Variants in SLC28A3 observed in about 807,000 individuals in gnomAD.
SLC28A3 encodes solute carrier family 28 member 3.
In SLC28A3, 68 loss-of-function variants were observed where a neutral mutation model predicts 84.2. The observed-to-expected ratio is 0.81, with a 90% CI of 0.66 to 0.99. The LOEUF is 0.99. Ranked by LOEUF, SLC28A3 falls within the 50% of genes least tolerant of loss-of-function variation. SLC28A3 has a pLI of 0.00. For missense variants in SLC28A3, 712 were observed against 841.5 expected, an observed-to-expected ratio of 0.85 and a Z score of 1.90; for synonymous variants, 267 against 303.6, an observed-to-expected ratio of 0.88 and a Z score of 1.25.
intron 4 of SLC28A3, among the ~76,000 whole-genome samples, chr9:84,302,732 A>G (rs1564158764): frequency 6.6e-6 from 1 of 152,132 alleles, no homozygotes; most frequent in East Asian, 1.9e-4. Context: ...GTGAGCTACT[A>G]TCAGAGAAAG....
the SLC28A3 span, among the ~76,000 whole-genome samples, chr9:84,347,204 TAAAAAAAA>T: frequency 1.6e-5 from 1 of 62,426 alleles, no homozygotes; most frequent in Non-Finnish European, 3.8e-5. Flanking sequence ...AGACTCTGTC[TAAAAAAAA>T]AAAAAAAAAA....
intron 10 of SLC28A3, among the ~76,000 whole-genome samples, chr9:84,290,516 T>A (rs1404807926): frequency 6.6e-6 from 1 of 152,124 alleles, no homozygotes; most frequent in Non-Finnish European, 1.5e-5. Context: ...GCTTTCCGGG[T>A]GATTCCAATG....
In SLC28A3 at chr9:84,292,722, C is replaced by T. The variant is rs1201755023; in HGVS notation, c.969G>A (p.Thr323=). ...RKVGWIMLVT[T]GSSPIESVVA... ...CTACAGATTCAATAGGAGATGATCC[C>T]GTAGTAACTAGCATGATCCATCCAA... Residue 323 remains threonine, a synonymous_variant, in exon 10 of 18, where the codon ACG becomes ACA. Coordinates refer to ENST00000376238, the MANE Select transcript of SLC28A3 (RefSeq NM_001199633.2). 1.2e-5 allele frequency: 20 copies of T among 1,600,884 alleles called. No homozygotes were observed. Among genetic ancestry groups the T allele is most frequent in the Admixed American group, 1.8e-5 (1 of 57,056 alleles).
chr9:84,356,667 T>TA, the SLC28A3 span, among the ~76,000 whole-genome samples: 410 of 152,104 alleles, frequency 2.7e-3, 2 homozygotes, highest in African/African-American at 9.6e-3. Flanking sequence ...CCGTCTCTAC[T>TA]AAAAATACAA....
the SLC28A3 span, among the ~76,000 whole-genome samples, chr9:84,362,653 A>G: frequency 1.5e-4 from 20 of 137,312 alleles, no homozygotes; most frequent in Non-Finnish European, 2.5e-4. Flanking sequence ...ATTAAAATAA[A>G]TAAGTTAATA....
At chr9:84,327,964 C>T (rs188946386) in intron 1 of SLC28A3, among the ~76,000 whole-genome samples, 63 of 149,462 alleles carry the variant, frequency 4.2e-4, no homozygotes, top group African/African-American at 1.4e-3. Flanking sequence ...AAAATAAAAT[C>T]CCCCATCTTT....
At chr9:84,365,291 A>G in the SLC28A3 span, among the ~76,000 whole-genome samples, 1 of 151,422 alleles carries the variant, frequency 6.6e-6, no homozygotes, top group African/African-American at 2.4e-5. Flanking sequence ...GCACCTTTTC[A>G]TATGCCTGTT....
At chr9:84,363,225 TC>T in the SLC28A3 span, among the ~76,000 whole-genome samples, 1 of 152,172 alleles carries the variant, frequency 6.6e-6, no homozygotes, top group African/African-American at 2.4e-5. Context: ...TCTGGGATGT[TC>T]TTATATTAGG....
Position 84,279,347 on chromosome 9 carries a change from G to A in SLC28A3, c.1867C>T (p.His623Tyr). The A allele has an allele frequency of 5.6e-6, 9 of 1,613,028 alleles. No individual in the cohort carries two copies. Among genetic ancestry groups the A allele is most frequent in the Non-Finnish European group, 7.6e-6 (9 of 1,179,346 alleles). Residue 623 changes from histidine (H) to tyrosine (Y), a missense_variant, in exon 17 of 18, where the codon CAC becomes TAC. By Grantham distance (83) the His-to-Tyr change is moderately conservative. Coordinates refer to ENST00000376238, the MANE Select transcript of SLC28A3 (RefSeq NM_001199633.2). ...GAGTTGAAGGCATTCTCTAAAACGTGATGGCAGTTGATGTCCACAGGAGTG... is the reference window on the plus strand; with the variant it reads ...GAGTTGAAGGCATTCTCTAAAACGTAATGGCAGTTGATGTCCACAGGAGTG... ...SSTPVDINCH[H>Y]VLENAFNSTF...
chr9:84,309,692 T>A lies in SLC28A3; in HGVS notation c.179A>T (p.Glu60Val), dbSNP rs977758811. 1.2e-6 allele frequency: 2 copies of A among 1,613,876 alleles called. No homozygotes were observed. The highest frequency in any genetic ancestry group is 1.7e-5 in the Admixed American group (1 of 59,978). ...TTCTCTGTTTCTTGGAGAATCCTGC[T>A]CAACTGTGACCTGTTCTTCATCCTG... ...TKQDEEQVTV[E>V]QDSPRNREHM... Residue 60 changes from glutamate to valine, a missense_variant, in exon 3 of 18, where the codon GAG becomes GTG. Transcript: ENST00000376238.
At chr9:84,357,093 G>C in the SLC28A3 span, among the ~76,000 whole-genome samples, 2 of 152,134 alleles carry the variant, frequency 1.3e-5, no homozygotes, top group African/African-American at 4.8e-5. Context: ...TCAGCTTCAT[G>C]AAGGCCGGGA....
chr9:84,335,521 G>A (rs1213272929), intron 1 of SLC28A3, among the ~76,000 whole-genome samples: 2 of 152,202 alleles, frequency 1.3e-5, no homozygotes, highest in African/African-American at 4.8e-5. Context: ...GCACTTCAGC[G>A]TGGGTGACAG....
intron 1 of SLC28A3, among the ~76,000 whole-genome samples, chr9:84,328,156 T>TACACACACACACAC (rs71498096): frequency 0.014 from 1,800 of 131,898 alleles, 23 homozygotes; most frequent in East Asian, 0.023. Flanking sequence ...GGGAAAAGAC[T>TACACACACACACAC]ACACACACAC....
At chr9:84,350,497 A>T in the SLC28A3 span, among the ~76,000 whole-genome samples, 1 of 151,908 alleles carries the variant, frequency 6.6e-6, no homozygotes, top group Admixed American at 6.6e-5. Context: ...GAAAAATAAT[A>T]AATAAATAAA....
chr9:84,365,232 A>G, the SLC28A3 span, among the ~76,000 whole-genome samples: 1 of 152,146 alleles, frequency 6.6e-6, no homozygotes, highest in African/African-American at 2.4e-5. Flanking sequence ...GTGAGATGCT[A>G]TCTCACTGTA....
chr9:84,287,157 AAAAC>A (rs142474844), intron 12 of SLC28A3, among the ~76,000 whole-genome samples: 53,754 of 151,328 alleles, frequency 0.36, 12,158 homozygotes, highest in African/African-American at 0.63. Context: ...AGACCCTGTC[AAAAC>A]AAACAAACAA....
chr9:84,275,571 T>A lies in SLC28A3; in HGVS notation c.*2647A>T, dbSNP rs917370260. 2 of 152,134 alleles carry A rather than the reference T, an allele frequency of 1.3e-5. No homozygotes were observed. Among genetic ancestry groups the A allele is most frequent in the African/African-American group, 4.8e-5 (2 of 41,420 alleles). 9.4% of individuals were successfully genotyped at this position (152,134 alleles called of 1,614,324 possible). A position where few individuals can be genotyped will look rare whatever the true frequency, so the allele number is the denominator to read the frequency against. On this transcript the variant is annotated 3_prime_UTR_variant, in exon 18 of 18. Coordinates refer to ENST00000376238, the MANE Select transcript of SLC28A3 (RefSeq NM_001199633.2). ...ATATGTACATGGGTGAAGGAGAAAC[T>A]GGGGAAGACAAGCAGCCTCCAGCTT...
chr9:84,352,202 A>C, the SLC28A3 span, among the ~76,000 whole-genome samples: 1 of 151,916 alleles, frequency 6.6e-6, no homozygotes, highest in African/African-American at 2.4e-5. Flanking sequence ...CTTTTTTTTT[A>C]AGACAGAGTC....
chr9:84,299,480 G>A, intron 6 of SLC28A3, 101 bp downstream of exon 6: 1 of 1,469,150 alleles, frequency 6.8e-7, no homozygotes, highest in African/African-American at 1.4e-5. Flanking sequence ...GGTAAGAAAA[G>A]TACTGAACAA....
Sources: allele counts gnomAD v4.1 joint callset (sites outside exome capture counted in the v4.1 genomes callset), GRCh38; gene constraint gnomAD v4.1.1; transcripts MANE v1.5; gene names NCBI Gene and HGNC (gene_info 2026-07-23, HGNC 2026-07-21).